BICRAL: variants seen among roughly 807,000 people sequenced by gnomAD.
The protein encoded by BICRAL is BICRA like chromatin remodeling complex associated protein.
Under a neutral mutation model 91.8 loss-of-function variants are expected in BICRAL, and 8 were observed. The ratio of observed to expected loss-of-function variants is 0.09; its 90% CI spans 0.05 to 0.16. BICRAL has a LOEUF of 0.16. BICRAL is among the 10% of genes least tolerant of loss of function. The pLI, the probability that BICRAL is intolerant of heterozygous loss-of-function variation, is 1.00. For synonymous variants in BICRAL, 445 were observed against 491.1 expected, an observed-to-expected ratio of 0.91 and a Z score of 1.24; for missense variants, 1,038 against 1,310.9, an observed-to-expected ratio of 0.79 and a Z score of 3.21.
At chr6:42,852,480 G>T in intron 7 of BICRAL, 1 of 527,974 alleles carries the variant, frequency 1.9e-6, no homozygotes, top group Non-Finnish European at 3.6e-6. Context: ...CGACCAACAT[G>T]ATGAAACCCC....
At chr6:42,823,787 T>C (rs1200765647) in intron 5 of BICRAL, among the ~76,000 whole-genome samples, 1 of 151,452 alleles carries the variant, frequency 6.6e-6, no homozygotes, top group Non-Finnish European at 1.5e-5. Flanking sequence ...TTGCCAGGCA[T>C]GGTGGTAGGC....
chr6:42,794,025 A>G (rs901969700), intron 1 of BICRAL, among the ~76,000 whole-genome samples: 4 of 151,068 alleles, frequency 2.6e-5, no homozygotes, highest in African/African-American at 9.7e-5. Context: ...ATGTAAAACT[A>G]TGTTACTTGT....
chr6:42,807,075 C>G (rs1232392165), intron 1 of BICRAL, among the ~76,000 whole-genome samples: 1 of 152,224 alleles, frequency 6.6e-6, no homozygotes, highest in Non-Finnish European at 1.5e-5. Flanking sequence ...AAGTGATCCA[C>G]CCGCCTCGGC....
intron 5 of BICRAL, among the ~76,000 whole-genome samples, chr6:42,826,487 G>A (rs1171316079): frequency 2.6e-5 from 4 of 151,330 alleles, no homozygotes; most frequent in East Asian, 3.9e-4. Context: ...CACCCGCCTC[G>A]GCCTCCCAAA....
At chr6:42,822,775 T>C (rs200455460) in intron 3 of BICRAL, 21 bp from the exon 4 acceptor site, 248 of 1,423,362 alleles carry the variant, frequency 1.7e-4, no homozygotes, top group Non-Finnish European at 2.4e-4. Context: ...GTTTTATCTC[T>C]TTTTTTCCTC....
rs182144781 is a variant in BICRAL at position 42,767,009 on chromosome 6, C to T, written c.-260-14830C>T. ...GAGCTGAGATGGCGCCACTGTACTC[C>T]AGCCTGGGCAACAGAGTGAGACTCC... On this transcript the variant is annotated intron_variant, in intron 1 of 14. Coordinates refer to the BICRAL transcript ENST00000614467. 4.8e-3 allele frequency among the ~76,000 whole-genome samples: 713 copies of T among 149,656 alleles called. 1 individual carries two copies. The highest frequency in any genetic ancestry group is 8.6e-3 in the Non-Finnish European group (584 of 67,652).
chr6:42,778,036 G>C (rs1762828625), upstream of BICRAL, among the ~76,000 whole-genome samples: 1 of 152,012 alleles, frequency 6.6e-6, no homozygotes, highest in African/African-American at 2.4e-5. Flanking sequence ...ATGAAGTTTT[G>C]TAATAATCTG....
Position 42,828,472 on chromosome 6 carries a change from A to G in BICRAL, c.160-21A>G, listed in dbSNP as rs760006127. 32 of 1,590,618 alleles carry G rather than the reference A, an allele frequency of 2.0e-5. 1 individual carries two copies. The South Asian group carries it at 3.1e-4, about 15-fold the overall frequency. ...TTTCAAAGGTTACATATGCCATGTAACATACTGTTTATTTTTTTAGAATGC... is the reference window on the plus strand; with the variant it reads ...TTTCAAAGGTTACATATGCCATGTAGCATACTGTTTATTTTTTTAGAATGC... On this transcript the variant is annotated intron_variant, in intron 5 of 12. Transcript: ENST00000314073.
chr6:42,853,356 G>C (rs1374814593), intron 7 of BICRAL, among the ~76,000 whole-genome samples: 1 of 152,074 alleles, frequency 6.6e-6, no homozygotes, highest in African/African-American at 2.4e-5. Context: ...TTACTGGCTT[G>C]AGGCCTGTTT....
chr6:42,775,060 G>A (rs1300159065), intron 1 of BICRAL, among the ~76,000 whole-genome samples: 2 of 151,996 alleles, frequency 1.3e-5, no homozygotes, highest in Non-Finnish European at 2.9e-5. Context: ...AGCCTCTCAA[G>A]TAGTTGGGAT....
chr6:42,781,971 T>A (rs1219946823), upstream of BICRAL: 1 of 145,688 alleles, frequency 6.9e-6, no homozygotes, highest in Non-Finnish European at 1.5e-5. Context: ...GCGGAGCGCG[T>A]GTGGCCGGCG....
intron 10 of BICRAL, among the ~76,000 whole-genome samples, chr6:42,859,570 T>G (rs533530123): frequency 1.3e-5 from 2 of 152,254 alleles, no homozygotes; most frequent in African/African-American, 4.8e-5. Flanking sequence ...CTTCATTGTT[T>G]CAGCTATTTT....
At chr6:42,855,754 C>A in intron 8 of BICRAL, 102 bp from the exon 9 acceptor site, 1 of 847,396 alleles carries the variant, frequency 1.2e-6, no homozygotes, top group Non-Finnish European at 1.9e-6. Flanking sequence ...AGAATATGTT[C>A]TTGATAGGTA....
chr6:42,857,600 T>TAAAAAAAAAA (rs748078737), intron 10 of BICRAL, among the ~76,000 whole-genome samples: 21 of 101,308 alleles, frequency 2.1e-4, no homozygotes, highest in African/African-American at 1.0e-3. Flanking sequence ...CACTGTCTCT[T>TAAAAAAAAAA]AAAAAAAAAA....
chr6:42,843,403 A>G (rs1764871097), intron 6 of BICRAL, among the ~76,000 whole-genome samples: 1 of 152,182 alleles, frequency 6.6e-6, no homozygotes, highest in Non-Finnish European at 1.5e-5. Flanking sequence ...GTAGGGTGTT[A>G]GGTGGGAAAG....
intron 2 of BICRAL, among the ~76,000 whole-genome samples, chr6:42,812,811 C>T (rs965250491): frequency 1.9e-4 from 29 of 152,136 alleles, no homozygotes; most frequent in Admixed American, 4.6e-4. Context: ...GCAAGAGGAT[C>T]GCTTGAGCCC....
chr6:42,772,615 G>A (rs1425911223), intron 1 of BICRAL, among the ~76,000 whole-genome samples: 3 of 152,250 alleles, frequency 2.0e-5, no homozygotes, highest in Middle Eastern at 3.4e-3. Flanking sequence ...CCCATTCTCT[G>A]GTTATGGATT....
chr6:42,862,624 C>G lies in BICRAL; in HGVS notation c.2452+12C>G. On this transcript the variant is annotated intron_variant, in intron 12 of 12. Transcript: ENST00000314073. ...ACTTGTAGACCCTGGTAAGAAACAT[C>G]GCAGTGAAAGTAGTGGATAGCTCCT... is the stretch of plus-strand genomic sequence containing the variant. 4.0e-6 allele frequency: 6 copies of G among 1,503,758 alleles called. No individual in the cohort carries two copies. The South Asian group carries it at 6.8e-5, about 17-fold the overall frequency. 93.2% of individuals were successfully genotyped at this position (1,503,758 alleles called of 1,614,324 possible).
Position 42,785,312 on chromosome 6 carries a change from C to T in BICRAL, c.-102+3211C>T, listed in dbSNP as rs144182033. On this transcript the variant is annotated intron_variant, in intron 1 of 12. Coordinates refer to ENST00000314073, the MANE Select transcript of BICRAL (RefSeq NM_001393499.1). ...CGGTGGCTCATGCCTGTAATCCCAGCACTTTTGAGGCTGAGGCGGGCGGAT... is the reference window on the plus strand; with the variant it reads ...CGGTGGCTCATGCCTGTAATCCCAGTACTTTTGAGGCTGAGGCGGGCGGAT... Among the ~76,000 whole-genome samples the T allele has an allele frequency of 8.5e-5, 13 of 152,196 alleles. No individual in the cohort carries two copies. In the East Asian group the frequency reaches 2.3e-3, roughly 27 times the overall value.
Sources: gnomAD v4.1 joint callset for allele counts (sites outside exome capture counted in the v4.1 genomes callset) on GRCh38, gnomAD v4.1.1 for gene constraint, MANE v1.5 for transcripts, NCBI Gene and HGNC (gene_info 2026-07-23, HGNC 2026-07-21) for gene names.